Variants in NLRC4 observed in about 807,000 individuals in gnomAD.
NLRC4 encodes the protein NLR family CARD domain-containing protein 4.
Under a neutral mutation model 79.9 loss-of-function variants are expected in NLRC4, and 63 were observed. That is an observed-to-expected ratio of 0.79 (90% CI 0.64 to 0.97). The LOEUF (loss-of-function observed/expected upper bound fraction) is 0.97, where lower values mean the gene tolerates loss of function less well. Among genes scored for constraint, NLRC4 ranks in the 50% least tolerant of loss-of-function variants. The probability of loss-of-function intolerance (pLI) is 0.00; values close to 1 mark genes in which losing one functional copy is unlikely to be tolerated. For synonymous variants in NLRC4, 461 were observed against 456.5 expected (o/e 1.01, Z -0.12); for missense variants, 1,074 against 1,215.2 (o/e 0.88, Z 1.73).
intron 2 of NLRC4, 108 bp downstream of exon 2, chr2:32,256,667 C>T (rs1270851828): frequency 1.4e-6 from 1 of 722,220 alleles, no homozygotes; most frequent in Non-Finnish European, 2.6e-6. Flanking sequence ...ATTGGTAATT[C>T]CACATATGAC....
rs114432320 is a variant in NLRC4, at chr2:32,264,164, G to A, written c.-119+574C>T. 6.0e-3 allele frequency among the ~76,000 whole-genome samples: 913 copies of A among 152,174 alleles called. 11 individuals carry two copies. The highest frequency in any genetic ancestry group is 0.021 in the African/African-American group (855 of 41,510). On this transcript the variant is annotated intron_variant, in intron 1 of 8. Coordinates refer to ENST00000402280, the MANE Select transcript of NLRC4 (RefSeq NM_001199138.2). ...AAGAGTGAGTTTCCTGGCCGGGCACGTTGGCTCACACCTGTAATCCCAGCA... is the reference window on the plus strand; with the variant it reads ...AAGAGTGAGTTTCCTGGCCGGGCACATTGGCTCACACCTGTAATCCCAGCA...
chr2:32,227,885 G>C (rs554641825), intron 8 of NLRC4, among the ~76,000 whole-genome samples: 4 of 152,158 alleles, frequency 2.6e-5, no homozygotes, highest in Non-Finnish European at 2.9e-5. Context: ...GCTGTGGAGA[G>C]TGCAAATGGC....
chr2:32,251,681 G>T (rs1687082489), intron 3 of NLRC4, 80 bp from the exon 4 acceptor site: 2 of 952,596 alleles, frequency 2.1e-6, no homozygotes, highest in African/African-American at 1.6e-5. Flanking sequence ...ATGAACGGGG[G>T]GGTGAGGCTG....
intron 8 of NLRC4, 60 bp from the exon 9 acceptor site, chr2:32,224,825 A>C: frequency 1.1e-6 from 1 of 951,010 alleles, no homozygotes; most frequent in Non-Finnish European, 1.6e-6. Flanking sequence ...AAAAAGAGAA[A>C]TAGGTTCTAC....
intron 6 of NLRC4, among the ~76,000 whole-genome samples, chr2:32,237,842 G>A (rs1372765284): frequency 4.6e-5 from 7 of 152,016 alleles, no homozygotes; most frequent in Admixed American, 1.3e-4. Flanking sequence ...TTATATGACC[G>A]GTTGTGTGGC....
chr2:32,231,572 T>TTGCG (rs1553342715), intron 8 of NLRC4, among the ~76,000 whole-genome samples: 1 of 59,456 alleles, frequency 1.7e-5, no homozygotes, highest in African/African-American at 8.1e-5. Flanking sequence ...TATTTTTTTT[T>TTGCG]GTGGGGGGGG....
At chr2:32,243,130 G>C (rs895297721) in intron 4 of NLRC4, among the ~76,000 whole-genome samples, 1 of 152,038 alleles carries the variant, frequency 6.6e-6, no homozygotes, top group Non-Finnish European at 1.5e-5. Context: ...GAAAATTGAG[G>C]CTGGGCGAGG....
intron 8 of NLRC4, among the ~76,000 whole-genome samples, chr2:32,230,336 GT>G (rs913943484): frequency 1.3e-5 from 2 of 152,150 alleles, no homozygotes; most frequent in African/African-American, 4.8e-5. Context: ...TTTATTCACT[GT>G]TTTTTGTTTG....
chr2:32,249,358 G>A (rs2148941347), intron 4 of NLRC4, among the ~76,000 whole-genome samples: 1 of 152,268 alleles, frequency 6.6e-6, no homozygotes, highest in South Asian at 2.1e-4. Flanking sequence ...AATATTCATA[G>A]CTCCTCCTGT....
intron 8 of NLRC4, among the ~76,000 whole-genome samples, chr2:32,230,415 T>C (rs1686504583): frequency 6.6e-6 from 1 of 152,066 alleles, no homozygotes; most frequent in Non-Finnish European, 1.5e-5. Flanking sequence ...CCCACCCGCC[T>C]TGGCCTCTCA....
At chr2:32,226,057 G>A (rs1421725826) in intron 8 of NLRC4, among the ~76,000 whole-genome samples, 1 of 152,146 alleles carries the variant, frequency 6.6e-6, no homozygotes, top group Non-Finnish European at 1.5e-5. Context: ...AGTTAAAGAA[G>A]GAAAGATTCG....
chr2:32,261,910 G>A (rs1434246697), intron 1 of NLRC4, among the ~76,000 whole-genome samples: 3 of 150,908 alleles, frequency 2.0e-5, no homozygotes, highest in East Asian at 4.0e-4. Flanking sequence ...GTGAAACCCC[G>A]TCTCTACTAA....
At chr2:32,257,193 G>A (rs985365248) in intron 1 of NLRC4, among the ~76,000 whole-genome samples, 2 of 152,260 alleles carry the variant, frequency 1.3e-5, no homozygotes, top group African/African-American at 2.4e-5. Context: ...GACGGTATAA[G>A]TGTCAACATG....
rs1558457439 is a variant in NLRC4 at position 32,250,532 on chromosome 2, C to T, written c.1332G>A (p.Lys444=). Residue 444 remains lysine, a synonymous_variant, in exon 4 of 9, where the codon AAG becomes AAA. Transcript: ENST00000402280. This position sits in a 1 kb window ranked among gnomAD's most constrained non-coding sequence, Gnocchi z 4.9. ...RFKPKYKFFH[K]SFQEYTAGRR... ...GTCCTGCTGTGTACTCCTGGAATGA[C>T]TTGTGAAAGAATTTATACTTTGGCT... is the stretch of plus-strand genomic sequence containing the variant. The T allele has an allele frequency of 1.2e-6, 2 of 1,614,228 alleles. No homozygotes were observed. The highest frequency in any genetic ancestry group is 1.7e-6 in the Non-Finnish European group (2 of 1,180,046).
At chr2:32,256,367 C>T (rs1687207668) in intron 2 of NLRC4, among the ~76,000 whole-genome samples, 1 of 152,068 alleles carries the variant, frequency 6.6e-6, no homozygotes, top group South Asian at 2.1e-4. Context: ...TAAATAGCTA[C>T]AGAGGGCTAG....
chr2:32,228,592 ACCTAAGTTTTTCAGAGAT>A (rs1243591585), intron 8 of NLRC4, among the ~76,000 whole-genome samples: 3 of 152,150 alleles, frequency 2.0e-5, no homozygotes, highest in Non-Finnish European at 4.4e-5. Context: ...AACTCCAAAG[ACCTAAGTTTTTCAGAGAT>A]CCTAAGTTTT....
At chr2:32,237,091 A>G (rs1306071313) in intron 6 of NLRC4, among the ~76,000 whole-genome samples, 6 of 152,204 alleles carry the variant, frequency 3.9e-5, no homozygotes, top group African/African-American at 1.2e-4. Context: ...AACATTAATT[A>G]TATAATAGTA....
intron 1 of NLRC4, among the ~76,000 whole-genome samples, chr2:32,258,221 T>A (rs1383348194): frequency 6.6e-6 from 1 of 152,156 alleles, no homozygotes; most frequent in Non-Finnish European, 1.5e-5. Context: ...GGCGTGCCGA[T>A]GTCTGTTGTG....
chr2:32,259,287 T>TTTTTTTTTTTTTTTTTTTTC lies in NLRC4; in HGVS notation c.-118-2395_-118-2394insGAAAAAAAAAAAAAAAAAAA, dbSNP rs1283926253. The stretch of plus-strand genomic sequence containing the variant: ...ATTTTTTTTTTTTTTTTTTTTTTTT[T>TTTTTTTTTTTTTTTTTTTTC]TTTAGAGACAGAGTTTTGCCGTGTT... On this transcript the variant is annotated intron_variant, in intron 1 of 8. Coordinates refer to ENST00000402280, the MANE Select transcript of NLRC4 (RefSeq NM_001199138.2). 8.1e-5 allele frequency among the ~76,000 whole-genome samples: 11 copies of TTTTTTTTTTTTTTTTTTTTC among 135,500 alleles called. 1 individual carries two copies. The highest frequency in any genetic ancestry group is 2.6e-4 in the African/African-American group (9 of 35,044). 88.9% of individuals were successfully genotyped at this position (135,500 alleles called of 152,430 possible).
Sources: allele counts gnomAD v4.1 joint callset (sites outside exome capture counted in the v4.1 genomes callset), GRCh38; gene constraint gnomAD v4.1.1; non-coding constraint Gnocchi (gnomAD v3.1); transcripts MANE v1.5; gene names NCBI Gene and HGNC (gene_info 2026-07-23, HGNC 2026-07-21).